The following IQGAP1 variants were observed in gnomAD, a reference collection of about 807,000 sequenced individuals.
The protein encoded by IQGAP1 is IQ motif containing GTPase activating protein 1, also known as ras GTPase-activating-like protein IQGAP1.
IQGAP1 carries 66 observed loss-of-function variants against 215.6 expected under a neutral mutation model. That is an observed-to-expected ratio of 0.31 (90% CI 0.25 to 0.38). IQGAP1 has a LOEUF of 0.38. Ranked by LOEUF, IQGAP1 falls within the 10% of genes least tolerant of loss-of-function variation. IQGAP1 has a pLI of 1.00. For missense variants in IQGAP1, 1,712 were observed against 1,997.1 expected (o/e 0.86, Z 2.72); for synonymous variants, 772 against 728.7 (o/e 1.06, Z -0.96).
intron 36 of IQGAP1, among the ~76,000 whole-genome samples, chr15:90,495,650 T>C (rs1321601382): frequency 7.2e-6 from 1 of 138,088 alleles, no homozygotes; most frequent in Non-Finnish European, 1.6e-5. Context: ...TTTTTCTTCT[T>C]CTTTTTTTTT....
intron 19 of IQGAP1, among the ~76,000 whole-genome samples, chr15:90,473,316 T>C (rs766198051): frequency 6.6e-6 from 1 of 152,162 alleles, no homozygotes; most frequent in African/African-American, 2.4e-5. Context: ...GGTAGCACAA[T>C]GTCCTGGAAA....
At chr15:90,458,102 A>G (rs1039054308) in intron 15 of IQGAP1, among the ~76,000 whole-genome samples, 3 of 152,284 alleles carry the variant, frequency 2.0e-5, no homozygotes, top group South Asian at 2.1e-4. Flanking sequence ...GGGTTTGTCT[A>G]TTCTGAACAT....
At chr15:90,435,040 A>G (rs955744972) in intron 5 of IQGAP1, among the ~76,000 whole-genome samples, 4 of 152,214 alleles carry the variant, frequency 2.6e-5, no homozygotes, top group African/African-American at 9.6e-5. Context: ...ATACTGATCT[A>G]TAAGAAGACT....
chr15:90,398,599 C>T (rs1026298874), intron 2 of IQGAP1, among the ~76,000 whole-genome samples: 1 of 152,088 alleles, frequency 6.6e-6, no homozygotes, highest in African/African-American at 2.4e-5. Context: ...TTTAATACAC[C>T]TAACCTACTG....
intron 2 of IQGAP1, among the ~76,000 whole-genome samples, chr15:90,422,612 ATATATATATATATG>A (rs1437690776): frequency 7.7e-4 from 61 of 79,328 alleles, no homozygotes; most frequent in Admixed American, 1.4e-3. Context: ...TCTCATTCAT[ATATATATATATATG>A]TATATATATA....
chr15:90,415,611 C>T (rs1965034438), intron 2 of IQGAP1, among the ~76,000 whole-genome samples: 1 of 152,130 alleles, frequency 6.6e-6, no homozygotes, highest in Non-Finnish European at 1.5e-5. Context: ...CCCTCCATGC[C>T]CCCTGCCTTT....
chr15:90,396,224 C>T (rs1462409810), intron 2 of IQGAP1, among the ~76,000 whole-genome samples: 2 of 152,200 alleles, frequency 1.3e-5, no homozygotes, highest in African/African-American at 4.8e-5. Flanking sequence ...CAGATCTCCT[C>T]TCCCTGTAAG....
chr15:90,435,684 A>G (rs935914332), intron 5 of IQGAP1, among the ~76,000 whole-genome samples: 3 of 152,224 alleles, frequency 2.0e-5, no homozygotes, highest in Non-Finnish European at 4.4e-5. Flanking sequence ...CCTGGGTTCC[A>G]GGCCCTCAAA....
At chr15:90,482,122 G>T (rs762436252) in intron 27 of IQGAP1, 22 bp downstream of exon 27, 8 of 1,614,040 alleles carry the variant, frequency 5.0e-6, no homozygotes, top group Admixed American at 1.7e-5. Context: ...CAGTTGTCAT[G>T]ACCCCCAGTA....
Position 90,474,312 on chromosome 15 carries a change from A to T in IQGAP1, c.2576-173A>T, listed in dbSNP as rs1965948293. 5.3e-6 allele frequency: 4 copies of T among 751,112 alleles called. No homozygotes were observed. In the East Asian group the frequency reaches 1.1e-4, roughly 20 times the overall value. 46.5% of individuals were successfully genotyped at this position (751,112 alleles called of 1,614,324 possible). A position where few individuals can be genotyped will look rare whatever the true frequency, so the allele number is the denominator to read the frequency against. On this transcript the variant is annotated intron_variant, in intron 22 of 37. Transcript: ENST00000268182. ...GGTGTCTTGTTGGCTTGTTGCATTA[A>T]CCTTTATCATAACATAGCAATAGCC...
At chr15:90,426,041 G>C in intron 2 of IQGAP1, 69 bp from the exon 3 acceptor site, 1 of 1,466,708 alleles carries the variant, frequency 6.8e-7, no homozygotes, top group Non-Finnish European at 9.2e-7. Context: ...TGGAAATAAA[G>C]CTTAAAATCT....
At position 90,449,723 on chromosome 15, in the gene IQGAP1, G is replaced by A. The variant is rs763423962; in HGVS notation, c.1162+80G>A. ...GGGTCTGAGGTTAGCTTCTGTCATCGTCATCACCCACTCTGAGCCTACTAG... is the reference window on the plus strand; with the variant it reads ...GGGTCTGAGGTTAGCTTCTGTCATCATCATCACCCACTCTGAGCCTACTAG... On this transcript the variant is annotated intron_variant, in intron 11 of 37. Transcript: ENST00000268182. 4.4e-5 allele frequency: 52 copies of A among 1,168,626 alleles called. 1 individual carries two copies. In the South Asian group the frequency reaches 5.6e-4, roughly 13 times the overall value. The allele number at this position is 1,168,626 out of a possible 1,614,324, so 72.4% of individuals were successfully genotyped here. A position where few individuals can be genotyped will look rare whatever the true frequency, so the allele number is the denominator to read the frequency against.
chr15:90,498,839 C>G (rs11639150), intron 37 of IQGAP1, among the ~76,000 whole-genome samples: 63,176 of 140,554 alleles, frequency 0.45, 15,579 homozygotes, highest in Non-Finnish European at 0.55. Context: ...GAGACAGTTT[C>G]GCTCTTATTG....
chr15:90,388,702 AG>A (rs1363334360), intron 1 of IQGAP1, among the ~76,000 whole-genome samples: 4 of 151,820 alleles, frequency 2.6e-5, no homozygotes, highest in Non-Finnish European at 1.5e-5. Context: ...GACGGCCTAG[AG>A]TGAGGTGGCA....
chr15:90,477,689 G>C lies in IQGAP1; in HGVS notation c.3129G>C (p.Glu1043Asp). The C allele has an allele frequency of 6.2e-7, 1 of 1,613,682 alleles. No homozygotes were observed. The highest frequency in any genetic ancestry group is 8.5e-7 in the Non-Finnish European group (1 of 1,179,646). ...EIKSKVDQIQ[E>D]IVTGNPTVIK... ...GGTCGAAGGTAGATCAGATTCAAGA[G>C]ATTGTGACAGGAAATCCTACGGTTA... The change falls in exon 26 of 38, where the codon GAG (glutamate) becomes GAC (aspartate). Residue 1043 changes from glutamate to aspartate, a missense_variant. Glu to Asp is a conservative substitution (Grantham distance 45, BLOSUM62 2). This residue lies in a region of IQGAP1 where 691 missense variants were observed against 923.0 expected (regional missense o/e 0.75). Coordinates refer to ENST00000268182, the MANE Select transcript of IQGAP1 (RefSeq NM_003870.4).
chr15:90,405,411 A>G (rs1050679290), intron 2 of IQGAP1, among the ~76,000 whole-genome samples: 1 of 152,246 alleles, frequency 6.6e-6, no homozygotes, highest in Non-Finnish European at 1.5e-5. Context: ...TTGAATTAAC[A>G]GCTTTGACAT....
intron 15 of IQGAP1, among the ~76,000 whole-genome samples, chr15:90,456,567 T>G (rs1213501450): frequency 6.6e-6 from 1 of 152,048 alleles, no homozygotes; most frequent in Non-Finnish European, 1.5e-5. Context: ...TTCAGTAAAT[T>G]CTTTACTGAA....
chr15:90,492,590 C>A lies in IQGAP1; in HGVS notation c.4507C>A (p.Leu1503Ile). ...GTACCGACAGAGGAGAAAGGCCGAA[C>A]TAGTGAAACTGCAACAGACATACGC... is the stretch of plus-strand genomic sequence containing the variant. The part of the protein sequence containing the change: ...RRYRQRRKAE[L>I]VKLQQTYAAL... The change falls in exon 35 of 38, where the codon CTA becomes ATA. Residue 1503 changes from leucine (L) to isoleucine (I), a missense_variant. By Grantham distance (5) the Leu-to-Ile change is conservative. This residue lies in a region of IQGAP1 where 691 missense variants were observed against 923.0 expected (regional missense o/e 0.75). Coordinates refer to ENST00000268182, the MANE Select transcript of IQGAP1 (RefSeq NM_003870.4). The A allele has an allele frequency of 6.2e-7, 1 of 1,613,158 alleles. No individual in the cohort carries two copies.
intron 11 of IQGAP1, among the ~76,000 whole-genome samples, chr15:90,451,121 C>T (rs1414186337): frequency 6.6e-6 from 1 of 152,112 alleles, no homozygotes; most frequent in Non-Finnish European, 1.5e-5. Context: ...AGTCTTTAAT[C>T]TATTTTGATT....
Sources: allele counts gnomAD v4.1 joint callset (sites outside exome capture counted in the v4.1 genomes callset), GRCh38; gene constraint gnomAD v4.1.1; regional missense constraint gnomAD v4.1.1; transcripts MANE v1.5; gene names NCBI Gene and HGNC (gene_info 2026-07-23, HGNC 2026-07-21).